The following NLRC5 variants were observed in gnomAD, a reference collection of about 807,000 sequenced individuals.
NLRC5 encodes the protein NLR family CARD domain containing 5, also known as protein NLRC5.
NLRC5 carries 114 observed loss-of-function variants against 206.9 expected under a neutral mutation model. The ratio of observed to expected loss-of-function variants is 0.55; its 90% confidence interval spans 0.47 to 0.64. NLRC5 has a LOEUF of 0.64. Ranked by LOEUF, NLRC5 falls within the 30% of genes least tolerant of loss-of-function variation. The pLI is 0.00. For synonymous variants in NLRC5, 952 were observed against 962.8 expected (o/e 0.99, Z 0.21); for missense variants, 2,008 against 2,305.5 (o/e 0.87, Z 2.64).
Position 57,026,055 on chromosome 16 carries a change from G to T in NLRC5, c.1112G>T (p.Arg371Leu), listed in dbSNP as rs762127136. Residue 371 changes from arginine (R) to leucine (L), a missense_variant, in exon 6 of 49, where the codon CGG (arginine) becomes CTG (leucine). By Grantham distance (102) the Arg-to-Leu change is moderately radical (BLOSUM62 -2). Transcript: ENST00000688547. ...MVHMLGFDGP[R>L]VEEYVNHFFS... is the part of the protein sequence containing the mutation. ...CACATGTTGGGCTTTGATGGGCCAC[G>T]GGTGGAAGAATATGTGAATCACTTC... 1.9e-6 allele frequency: 3 copies of T among 1,614,020 alleles called. No individual in the cohort carries two copies. The highest frequency in any genetic ancestry group is 2.5e-6 in the Non-Finnish European group (3 of 1,180,050).
Position 57,041,570 on chromosome 16 carries a change from C to T in NLRC5, c.3025C>T (p.Leu1009Phe), listed in dbSNP as rs1181942818. Residue 1009 changes from leucine (L) to phenylalanine (F), a missense_variant, in exon 18 of 49, where the codon CTC (leucine) becomes TTC (phenylalanine). Coordinates refer to ENST00000688547, the MANE Select transcript of NLRC5 (RefSeq NM_001384950.1). ...AAGCTGCCACCTCGGTCACCTCCAC[C>T]TCGAGTGAGTGGTTTGTGTGTTGGA... ...GGSCHLGHLH[L>F]DFSGNALGDE... is the part of the protein sequence containing the mutation. 1.1e-5 allele frequency: 17 copies of T among 1,613,684 alleles called. No individual in the cohort carries two copies. Among genetic ancestry groups the T allele is most frequent in the Non-Finnish European group, 1.4e-5 (16 of 1,179,722 alleles).
rs773072249 is a variant in NLRC5 at position 57,026,851 on chromosome 16, C to T, written c.1908C>T (p.Pro636=). 6.2e-7 allele frequency: 1 copy of T among 1,614,140 alleles called. No homozygotes were observed. Among genetic ancestry groups the T allele is most frequent in the Non-Finnish European group, 8.5e-7 (1 of 1,180,056 alleles). The change falls in exon 6 of 49, where the codon CCC becomes CCT. Residue 636 remains proline, a synonymous_variant. Transcript: ENST00000688547. ...CCAGTCTCACCGCACAAAGCCTCCC[C>T]TATCAACTGCCCTTCCACAATTTCC... ...ELASLTAQSL[P]YQLPFHNFPL...
intron 1 of NLRC5, among the ~76,000 whole-genome samples, chr16:57,010,090 A>G (rs1478462763): frequency 6.6e-6 from 1 of 152,208 alleles, no homozygotes; most frequent in Non-Finnish European, 1.5e-5. Flanking sequence ...AGCTGCCCCT[A>G]ACTGAAGTGG....
In NLRC5 at chr16:57,074,570, G is replaced by A. The variant is rs781246639; in HGVS notation, c.4668-30G>A. ...ACTGGACAGTGCCCCACCCCCAGAT[G>A]TCAAGTTCACCTGGCCTCCTCTTCT... On this transcript the variant is annotated intron_variant, in intron 38 of 48. Coordinates refer to ENST00000688547, the MANE Select transcript of NLRC5 (RefSeq NM_001384950.1). The A allele has an allele frequency of 1.4e-5, 23 of 1,609,450 alleles. No individual in the cohort carries two copies. In the South Asian group the frequency reaches 2.5e-4, roughly 18 times the overall value.
Position 57,067,865 on chromosome 16 carries a change from G to C in NLRC5, c.4499+37G>C, listed in dbSNP as rs2067233710. ...AGACATTCACTCAGTCCCCTTTGCAGCTCTGCCCTGCCCTGACACCTCCCG... is the reference window on the plus strand; with the variant it reads ...AGACATTCACTCAGTCCCCTTTGCACCTCTGCCCTGCCCTGACACCTCCCG... On this transcript the variant is annotated intron_variant, in intron 36 of 48. Transcript: ENST00000688547. 18 of 1,501,730 alleles carry C rather than the reference G, an allele frequency of 1.2e-5. 1 individual carries two copies. In the Admixed American group the frequency reaches 3.0e-4, roughly 25 times the overall value. 93.0% of individuals were successfully genotyped at this position (1,501,730 alleles called of 1,614,324 possible).
intron 11 of NLRC5, among the ~76,000 whole-genome samples, chr16:57,033,023 A>G (rs1567569667): frequency 6.6e-6 from 1 of 151,944 alleles, no homozygotes; most frequent in Non-Finnish European, 1.5e-5. Context: ...GTTAGCACCA[A>G]TCCAAAAAGT....
chr16:57,056,878 T>C (rs1445570933), intron 27 of NLRC5, among the ~76,000 whole-genome samples: 10 of 152,004 alleles, frequency 6.6e-5, no homozygotes, highest in African/African-American at 2.4e-4. Flanking sequence ...AGGCTGGTCT[T>C]GAACTCCTGA....
chr16:57,051,412 T>C (rs1407960915), intron 23 of NLRC5, 126 bp from the exon 24 acceptor site: 1 of 728,300 alleles, frequency 1.4e-6, no homozygotes, highest in East Asian at 2.5e-5. Context: ...ATGGACCCAG[T>C]GCTGGGAGGG....
chr16:57,028,232 A>G, intron 7 of NLRC5, 70 bp from the exon 8 acceptor site: 1 of 1,577,152 alleles, frequency 6.3e-7, no homozygotes, highest in Non-Finnish European at 8.7e-7. Context: ...TTAATCCTAC[A>G]CAAGGCAGAT....
At position 57,060,022 on chromosome 16, in the gene NLRC5, CTGT is replaced by C. The variant is rs1475251278; in HGVS notation, c.3986+492_3986+494del. On this transcript the variant is annotated intron_variant, in intron 30 of 48. Transcript: ENST00000688547. ...GGAGTGCTGTCAGCAGTTATTGTAA[CTGT>C]TATTATTATTATTATTATTATTATT... Among the ~76,000 whole-genome samples, 10 of 114,048 alleles carry C rather than the reference CTGT, an allele frequency of 8.8e-5. No individual in the cohort carries two copies. In the East Asian group the frequency reaches 1.5e-3, roughly 17 times the overall value. The allele number at this position is 114,048 out of a possible 152,430, so 74.8% of individuals were successfully genotyped here.
Position 57,009,096 on chromosome 16 carries a change from G to A in NLRC5, c.-127-7978G>A, listed in dbSNP as rs182583861. ...TCATGAGGTCAGGAGCTTGAGACCCGCCTGGCCAACATGGTGAAACCCCGT... is the reference window on the plus strand; with the variant it reads ...TCATGAGGTCAGGAGCTTGAGACCCACCTGGCCAACATGGTGAAACCCCGT... On this transcript the variant is annotated intron_variant, in intron 1 of 48. Coordinates refer to ENST00000688547, the MANE Select transcript of NLRC5 (RefSeq NM_001384950.1). 3.9e-4 allele frequency among the ~76,000 whole-genome samples: 58 copies of A among 149,508 alleles called. 1 individual carries two copies. Among genetic ancestry groups the A allele is most frequent in the Admixed American group, 2.9e-3 (44 of 15,010 alleles).
rs199795934 is a variant in NLRC5, at chr16:57,076,874, A to G, written c.4807A>G (p.Arg1603Gly). The change falls in exon 40 of 49, where the codon AGG becomes GGG. Residue 1603 changes from arginine to glycine, a missense_variant. Physicochemically the swap from Arg to Gly is moderately radical, Grantham distance 125 (BLOSUM62 -2). Transcript: ENST00000688547. The stretch of plus-strand genomic sequence containing the variant: ...TTGCTGCCACCTTTCTGAGGCTCTC[A>G]GGGCTGCCACCAGCCTAGAGGAGCT... Reference protein sequence around the residue: ...VGCCHLSEALRAATSLEELDL... With the variant: ...VGCCHLSEALGAATSLEELDL... The G allele has an allele frequency of 3.5e-5, 57 of 1,613,924 alleles. No individual in the cohort carries two copies. The highest frequency in any genetic ancestry group is 3.0e-4 in the Admixed American group (18 of 60,006).
In NLRC5 at chr16:57,079,085, T is replaced by G. The variant is rs1185585562; in HGVS notation, c.5117T>G (p.Leu1706Arg). ...PFSHLGPGGA[L>R]SLAQALDGSP... is the part of the protein sequence containing the mutation. ...AGCCATCTGGGCCCAGGTGGGGCCC[T>G]GAGCCTGGCCCAGGCCCTGGATGGA... Residue 1706 changes from leucine to arginine, a missense_variant, in exon 44 of 49, where the codon CTG becomes CGG. Transcript: ENST00000688547. 1 of 1,614,178 alleles carries G rather than the reference T, an allele frequency of 6.2e-7. No homozygotes were observed. Among genetic ancestry groups the G allele is most frequent in the Non-Finnish European group, 8.5e-7 (1 of 1,180,024 alleles).
intron 2 of NLRC5, among the ~76,000 whole-genome samples, chr16:57,017,772 T>C (rs1192388143): frequency 1.3e-5 from 2 of 152,256 alleles, no homozygotes; most frequent in African/African-American, 4.8e-5. Flanking sequence ...GCAAGTTTCA[T>C]GGCTGTGCCC....
chr16:57,043,528 G>C lies in NLRC5; in HGVS notation c.3127G>C (p.Gly1043Arg), dbSNP rs777408629. Residue 1043 changes from glycine to arginine, a missense_variant, in exon 20 of 49, where the codon GGT (glycine) becomes CGT (arginine). Transcript: ENST00000688547. ...ALQSLNLSENGLSLDAVLGLV... is the reference protein window; with the variant it reads ...ALQSLNLSENRLSLDAVLGLV... Reference sequence around the variant, plus strand: ...TGTGATCTCCAGCCTCAGTGAGAACGGTTTGTCCCTGGATGCCGTGTTGGG... The same window carrying C: ...TGTGATCTCCAGCCTCAGTGAGAACCGTTTGTCCCTGGATGCCGTGTTGGG... 6.2e-7 allele frequency: 1 copy of C among 1,614,068 alleles called. No homozygotes were observed. Among genetic ancestry groups the C allele is most frequent in the Admixed American group, 1.7e-5 (1 of 60,018 alleles).
At chr16:57,012,081 A>G (rs2059566273) in intron 1 of NLRC5, among the ~76,000 whole-genome samples, 1 of 152,246 alleles carries the variant, frequency 6.6e-6, no homozygotes, top group South Asian at 2.1e-4. Context: ...CCAGGCAACC[A>G]GTAATCTACT....
intron 21 of NLRC5, 124 bp downstream of exon 21, chr16:57,045,616 ACACTAGGTTTAATCAC>A: frequency 2.4e-6 from 2 of 817,104 alleles, no homozygotes; most frequent in Admixed American, 4.2e-5. Flanking sequence ...CAAGTCCGGC[ACACTAGGTTTAATCAC>A]CACTTCAGTA....
chr16:57,054,067 G>T (rs551276431), intron 24 of NLRC5, among the ~76,000 whole-genome samples: 146 of 152,272 alleles, frequency 9.6e-4, no homozygotes, highest in African/African-American at 3.5e-3. Flanking sequence ...GGCTGCCTCT[G>T]AGGGCAGAGT....
chr16:57,048,465 C>CT (rs1481645443), intron 23 of NLRC5: 1 of 152,248 alleles, frequency 6.6e-6, no homozygotes, highest in Non-Finnish European at 1.5e-5. Context: ...GTTTGACCCC[C>CT]TGGAGTGTGG....
Sources: allele counts gnomAD v4.1 joint callset (sites outside exome capture counted in the v4.1 genomes callset), GRCh38; gene constraint gnomAD v4.1.1; transcripts MANE v1.5; gene names NCBI Gene and HGNC (gene_info 2026-07-23, HGNC 2026-07-21).